IL1RAPL2: variants seen among roughly 807,000 people sequenced by gnomAD.
IL1RAPL2 encodes interleukin 1 receptor accessory protein like 2.
In IL1RAPL2, 3 loss-of-function variants were observed where a neutral mutation model predicts 44.1. The observed-to-expected ratio is 0.07, with a 90% CI of 0.03 to 0.18. IL1RAPL2 has a LOEUF of 0.18. Ranked by LOEUF, IL1RAPL2 falls within the 10% of genes least tolerant of loss-of-function variation. IL1RAPL2 has a pLI of 1.00. For synonymous variants in IL1RAPL2, 181 were observed against 178.8 expected (o/e 1.01, Z -0.10); for missense variants, 391 against 496.4 (o/e 0.79, Z 2.02).
At chrX:105,039,387 C>T (rs73518252) in intron 2 of IL1RAPL2, among the ~76,000 whole-genome samples, 3,048 of 111,708 alleles carry the variant, frequency 0.027, 117 homozygotes, top group African/African-American at 0.094. Context: ...TCAGTGACAT[C>T]CTCAACTCCA....
chrX:105,011,038 T>G (rs2147741035), intron 2 of IL1RAPL2, among the ~76,000 whole-genome samples: 1 of 110,603 alleles, frequency 9.0e-6, no homozygotes, highest in South Asian at 3.8e-4. Context: ...TAAAATTTAC[T>G]TGGAACTTAT....
At chrX:105,419,822 T>G (rs2035761472) in intron 5 of IL1RAPL2, among the ~76,000 whole-genome samples, 1 of 111,967 alleles carries the variant, frequency 8.9e-6, no homozygotes, top group South Asian at 3.6e-4. Flanking sequence ...TAAAAACCAG[T>G]TACATCTTCT....
At chrX:105,350,218 C>T (rs1277073962) in intron 5 of IL1RAPL2, among the ~76,000 whole-genome samples, 6 of 111,279 alleles carry the variant, frequency 5.4e-5, no homozygotes, top group African/African-American at 2.0e-4. Context: ...TTCAATGGCT[C>T]CCTAATGATT....
At chrX:104,796,554 G>A (rs375980390) in intron 2 of IL1RAPL2, among the ~76,000 whole-genome samples, 3 of 111,791 alleles carry the variant, frequency 2.7e-5, no homozygotes, top group African/African-American at 9.8e-5. Context: ...TATGCATTGT[G>A]CGGTGATGGG....
chrX:105,011,282 C>T (rs1452326592), intron 2 of IL1RAPL2, among the ~76,000 whole-genome samples: 1 of 111,258 alleles, frequency 9.0e-6, no homozygotes, highest in Non-Finnish European at 1.9e-5. Context: ...TATTATGATT[C>T]CCCCAGGTTT....
chrX:105,194,750 G>A (rs1164447517), intron 2 of IL1RAPL2, among the ~76,000 whole-genome samples: 1 of 111,648 alleles, frequency 9.0e-6, no homozygotes, highest in South Asian at 3.8e-4. Flanking sequence ...AATCACTTTA[G>A]GTGCCTACTA....
chrX:104,827,928 C>T (rs1482668160), intron 2 of IL1RAPL2, among the ~76,000 whole-genome samples: 1 of 111,497 alleles, frequency 9.0e-6, no homozygotes, highest in African/African-American at 3.3e-5. Flanking sequence ...GCTATTGATA[C>T]TTGTGTATGC....
chrX:105,181,499 T>C (rs2033530489), intron 2 of IL1RAPL2, among the ~76,000 whole-genome samples: 1 of 111,631 alleles, frequency 9.0e-6, no homozygotes, highest in Admixed American at 9.5e-5. Context: ...TCCCGTAGGT[T>C]TTGGTATGTT....
intron 5 of IL1RAPL2, among the ~76,000 whole-genome samples, chrX:105,325,046 A>G (rs1039332592): frequency 7.1e-5 from 8 of 112,005 alleles, no homozygotes; most frequent in South Asian, 3.7e-4. Flanking sequence ...TTATTGCTAT[A>G]TGATTCAAAT....
intron 2 of IL1RAPL2, among the ~76,000 whole-genome samples, chrX:104,877,940 C>T (rs1691502688): frequency 8.9e-6 from 1 of 112,112 alleles, no homozygotes; most frequent in African/African-American, 3.2e-5. Context: ...ATCTAAGCCT[C>T]CACACAGTAG....
At chrX:104,742,924 T>A (rs1399173841) in intron 2 of IL1RAPL2, among the ~76,000 whole-genome samples, 1 of 111,672 alleles carries the variant, frequency 9.0e-6, no homozygotes, top group Non-Finnish European at 1.9e-5. Context: ...TCAAAACAAA[T>A]CGTGACTTCA....
rs144230849 is a variant in IL1RAPL2 at position 105,096,817 on chromosome X, A to G, written c.83-98658A>G. On this transcript the variant is annotated intron_variant, in intron 2 of 10. Coordinates refer to ENST00000372582, the MANE Select transcript of IL1RAPL2 (RefSeq NM_017416.2). ...ATATGCCAAAGCCACTGAATTGCAC[A>G]CTTTAAACATACAAATTTTATGTTT... Among the ~76,000 whole-genome samples, 47 of 112,275 alleles carry G rather than the reference A, an allele frequency of 4.2e-4. No homozygotes were observed. The East Asian group carries it at 0.012, about 29-fold the overall frequency.
At chrX:104,864,349 AACTC>A (rs1436613812) in intron 2 of IL1RAPL2, among the ~76,000 whole-genome samples, 1 of 112,338 alleles carries the variant, frequency 8.9e-6, no homozygotes, top group African/African-American at 3.2e-5. Context: ...ACTTCAAGGA[AACTC>A]ACTATGTTTC....
chrX:105,640,671 T>G (rs1258970183), intron 6 of IL1RAPL2, among the ~76,000 whole-genome samples: 16 of 83,432 alleles, frequency 1.9e-4, no homozygotes, highest in Non-Finnish European at 3.0e-4. Context: ...TATATATATA[T>G]ATATATATAT....
At chrX:105,013,466 A>T (rs545587083) in intron 2 of IL1RAPL2, among the ~76,000 whole-genome samples, 12 of 110,420 alleles carry the variant, frequency 1.1e-4, no homozygotes, top group African/African-American at 3.9e-4. Flanking sequence ...GTAGGCAGGA[A>T]GTATAAGGTC....
chrX:104,682,497 T>C (rs1930905639), intron 2 of IL1RAPL2, among the ~76,000 whole-genome samples: 1 of 112,603 alleles, frequency 8.9e-6, no homozygotes, highest in South Asian at 3.6e-4. Flanking sequence ...TTGAAATCTC[T>C]TGGAGATCAT....
chrX:104,816,698 GC>G (rs745742277), intron 2 of IL1RAPL2, among the ~76,000 whole-genome samples: 18 of 112,128 alleles, frequency 1.6e-4, no homozygotes, highest in African/African-American at 5.5e-4. Flanking sequence ...AGGAGGTATA[GC>G]CCAATGGTTA....
At chrX:105,601,248 A>G (rs2037249832) in intron 6 of IL1RAPL2, among the ~76,000 whole-genome samples, 1 of 111,276 alleles carries the variant, frequency 9.0e-6, no homozygotes, top group South Asian at 3.8e-4. Context: ...AGGAGTTTAA[A>G]ATTTTGAGGA....
chrX:105,645,481 C>T (rs2037599099), intron 6 of IL1RAPL2, among the ~76,000 whole-genome samples: 1 of 111,748 alleles, frequency 8.9e-6, no homozygotes, highest in South Asian at 3.7e-4. Context: ...TGTGATCAGA[C>T]AATATATGTA....
Sources: gnomAD v4.1 joint callset for allele counts (sites outside exome capture counted in the v4.1 genomes callset) on GRCh38, gnomAD v4.1.1 for gene constraint, MANE v1.5 for transcripts, NCBI Gene and HGNC (gene_info 2026-07-23, HGNC 2026-07-21) for gene names.